RGS6: variants seen among roughly 807,000 people sequenced by gnomAD.
RGS6 encodes the protein regulator of G protein signaling 6, also known as regulator of G-protein signaling 6.
In RGS6, 30 loss-of-function variants were observed where a neutral mutation model predicts 78.5. The ratio of observed to expected loss-of-function variants is 0.38; its 90% CI spans 0.29 to 0.52. The LOEUF (loss-of-function observed/expected upper bound fraction) is 0.52. Ranked by LOEUF, RGS6 falls within the 20% of genes least tolerant of loss-of-function variation. RGS6 has a pLI of 0.85. For missense variants in RGS6, 495 were observed against 609.7 expected, an observed-to-expected ratio of 0.81 and a Z score of 1.98; for synonymous variants, 206 against 206.0, an observed-to-expected ratio of 1.00 and a Z score of 0.00.
chr14:71,996,591 C>T (rs1036732166), intron 2 of RGS6, among the ~76,000 whole-genome samples: 6 of 152,118 alleles, frequency 3.9e-5, no homozygotes, highest in African/African-American at 1.2e-4. Flanking sequence ...GATCTAATGT[C>T]CCAGTAAAAT....
At chr14:72,555,640 G>A (rs961004903) in intron 17 of RGS6, among the ~76,000 whole-genome samples, 1 of 152,212 alleles carries the variant, frequency 6.6e-6, no homozygotes, top group Admixed American at 6.5e-5. Flanking sequence ...AGAGGGGCAT[G>A]GGTCGTGAAG....
At chr14:71,935,867 G>A (rs1471181650) in intron 1 of RGS6, among the ~76,000 whole-genome samples, 2 of 151,506 alleles carry the variant, frequency 1.3e-5, no homozygotes, top group African/African-American at 4.9e-5. Flanking sequence ...GGGTCATCCT[G>A]GGAGTCTCTG....
chr14:71,992,688 A>G (rs1720926431), intron 2 of RGS6, among the ~76,000 whole-genome samples: 1 of 152,226 alleles, frequency 6.6e-6, no homozygotes, highest in Non-Finnish European at 1.5e-5. Flanking sequence ...GCTTGGATAA[A>G]TTCCTAGAAT....
chr14:72,471,571 G>T (rs575778439), intron 8 of RGS6, among the ~76,000 whole-genome samples: 1 of 152,316 alleles, frequency 6.6e-6, no homozygotes, highest in South Asian at 2.1e-4. Flanking sequence ...GTCTCAGGCT[G>T]TGTGGGTGTA....
intron 8 of RGS6, among the ~76,000 whole-genome samples, chr14:72,470,958 C>T (rs1312552451): frequency 2.6e-5 from 4 of 151,988 alleles, no homozygotes. Flanking sequence ...TCTGCCCTTC[C>T]TGTACAGAGG....
intron 2 of RGS6, among the ~76,000 whole-genome samples, chr14:72,156,900 G>T (rs547372602): frequency 1.3e-5 from 2 of 152,204 alleles, no homozygotes; most frequent in African/African-American, 4.8e-5. Flanking sequence ...CAGGAAAACC[G>T]ACAGGAGTTT....
chr14:72,614,042 C>T, the RGS6 span, among the ~76,000 whole-genome samples: 1 of 152,186 alleles, frequency 6.6e-6, no homozygotes, highest in Non-Finnish European at 1.5e-5. Context: ...GAAGGGGTTC[C>T]CAGCTCTCCA....
At chr14:72,159,150 G>A (rs149678) in intron 2 of RGS6, among the ~76,000 whole-genome samples, 13,054 of 152,224 alleles carry the variant, frequency 0.086, 722 homozygotes, top group East Asian at 0.29. Context: ...TGCCCTTGTA[G>A]CAGCCCTGTG....
chr14:72,006,276 C>A (rs939604008), intron 2 of RGS6, among the ~76,000 whole-genome samples: 1 of 152,140 alleles, frequency 6.6e-6, no homozygotes, highest in Non-Finnish European at 1.5e-5. Flanking sequence ...TTATTGATGT[C>A]TACCAATGCA....
At chr14:72,299,212 G>A (rs995085283) in intron 2 of RGS6, among the ~76,000 whole-genome samples, 28 of 152,156 alleles carry the variant, frequency 1.8e-4, no homozygotes, top group Admixed American at 5.2e-4. Flanking sequence ...TAGCTATACA[G>A]CTAATTTTAG....
chr14:72,543,739 C>T (rs1356721090), intron 17 of RGS6, among the ~76,000 whole-genome samples: 2 of 152,218 alleles, frequency 1.3e-5, no homozygotes, highest in Non-Finnish European at 2.9e-5. Flanking sequence ...CTGAAATGCT[C>T]ACCCTCCCAC....
chr14:72,292,294 A>G (rs1204763081), intron 2 of RGS6, among the ~76,000 whole-genome samples: 1 of 152,198 alleles, frequency 6.6e-6, no homozygotes, highest in Non-Finnish European at 1.5e-5. Context: ...CAGTGGCTGG[A>G]ACCTGTATCT....
intron 3 of RGS6, chr14:72,421,734 G>A (rs1232719929): frequency 1.3e-5 from 2 of 152,310 alleles, no homozygotes; most frequent in East Asian, 1.9e-4. Context: ...GGTATTTTAT[G>A]ATATGTATAT....
chr14:72,609,237 T>C, the RGS6 span, among the ~76,000 whole-genome samples: 4 of 152,242 alleles, frequency 2.6e-5, no homozygotes, highest in Non-Finnish European at 5.9e-5. Flanking sequence ...GGCTGCTCGA[T>C]CCCCACATTC....
chr14:71,948,740 C>CTTTTTTTTTTTTTTT (rs71305831), intron 1 of RGS6, among the ~76,000 whole-genome samples: 1 of 65,180 alleles, frequency 1.5e-5, no homozygotes, highest in East Asian at 6.2e-4. Context: ...CTCTCTCTCT[C>CTTTTTTTTTTTTTTT]TTTTTTTTTT....
At chr14:72,278,571 T>C (rs1174135361) in intron 2 of RGS6, among the ~76,000 whole-genome samples, 3 of 152,248 alleles carry the variant, frequency 2.0e-5, no homozygotes, top group Admixed American at 2.0e-4. Context: ...CTAGGAAGTG[T>C]GTGTGTGGGT....
At chr14:72,145,774 C>T (rs1215237282) in intron 2 of RGS6, among the ~76,000 whole-genome samples, 3 of 152,090 alleles carry the variant, frequency 2.0e-5, no homozygotes, top group Admixed American at 1.3e-4. Context: ...TGAACCACCA[C>T]GCCCAGCCAT....
intron 1 of RGS6, among the ~76,000 whole-genome samples, chr14:71,953,948 G>C (rs964659664): frequency 7.7e-6 from 1 of 129,134 alleles, no homozygotes; most frequent in Non-Finnish European, 1.6e-5. Context: ...AATTGCACTA[G>C]ATGTAGAATT....
intron 6 of RGS6, 136 bp from the exon 7 acceptor site, chr14:72,465,622 G>GTGGATGGATTGGA: frequency 2.8e-6 from 1 of 352,042 alleles, no homozygotes; most frequent in Non-Finnish European, 5.3e-6. Flanking sequence ...GGGTGGATGG[G>GTGGATGGATTGGA]TGGATGGATG....
Sources: gnomAD v4.1 joint callset for allele counts (sites outside exome capture counted in the v4.1 genomes callset) on GRCh38, gnomAD v4.1.1 for gene constraint, MANE v1.5 for transcripts, NCBI Gene and HGNC (gene_info 2026-07-23, HGNC 2026-07-21) for gene names.